Variants in PRR16 observed in about 807,000 individuals in gnomAD.
The protein encoded by PRR16 is proline rich 16.
Under a neutral mutation model 18.2 loss-of-function variants are expected in PRR16, and 6 were observed. The ratio of observed to expected loss-of-function variants is 0.33; its 90% CI spans 0.18 to 0.65. The LOEUF is 0.65. Among genes scored for constraint, PRR16 ranks in the 30% least tolerant of loss-of-function variants. The pLI is 0.74. For missense variants in PRR16, 412 were observed against 376.6 expected, an observed-to-expected ratio of 1.09 and a Z score of -0.78; for synonymous variants, 151 against 147.8, an observed-to-expected ratio of 1.02 and a Z score of -0.16.
chr5:120,494,176 C>T (rs758959319), intron 1 of PRR16, among the ~76,000 whole-genome samples: 120 of 152,154 alleles, frequency 7.9e-4, no homozygotes, highest in Non-Finnish European at 6.5e-4. Context: ...TCTGGTTTCA[C>T]TGCTTCCTCA....
chr5:120,734,035 AT>A, the PRR16 span, among the ~76,000 whole-genome samples: 5 of 151,406 alleles, frequency 3.3e-5, no homozygotes, highest in Admixed American at 6.6e-5. Context: ...TGTGTGACTG[AT>A]TTTTTTTTGC....
At chr5:120,772,392 G>A in the PRR16 span, among the ~76,000 whole-genome samples, 1 of 152,116 alleles carries the variant, frequency 6.6e-6, no homozygotes, top group Admixed American at 6.6e-5. Context: ...TGTATCTGGA[G>A]TATATACAAT....
At chr5:120,672,082 G>T (rs1412077424) in intron 1 of PRR16, among the ~76,000 whole-genome samples, 1 of 152,134 alleles carries the variant, frequency 6.6e-6, no homozygotes, top group African/African-American at 2.4e-5. Flanking sequence ...AAACCTTAAG[G>T]GGCTAATTAC....
At chr5:120,771,777 T>C in the PRR16 span, among the ~76,000 whole-genome samples, 72 of 152,118 alleles carry the variant, frequency 4.7e-4, no homozygotes, top group Admixed American at 1.2e-3. Flanking sequence ...GTCCAAGATA[T>C]TTGTTAGTAT....
At chr5:120,749,585 T>C in the PRR16 span, among the ~76,000 whole-genome samples, 2 of 152,196 alleles carry the variant, frequency 1.3e-5, no homozygotes, top group Admixed American at 1.3e-4. Flanking sequence ...TGCTATGTGC[T>C]ATTCTCAATA....
intron 1 of PRR16, among the ~76,000 whole-genome samples, chr5:120,501,374 G>C (rs1750447110): frequency 6.6e-6 from 1 of 151,990 alleles, no homozygotes; most frequent in Non-Finnish European, 1.5e-5. Flanking sequence ...TATTTCTTTT[G>C]TCTAGAAAGA....
intron 1 of PRR16, among the ~76,000 whole-genome samples, chr5:120,508,116 G>A (rs1212588379): frequency 6.6e-6 from 1 of 152,022 alleles, no homozygotes; most frequent in Non-Finnish European, 1.5e-5. Context: ...TTTAAAGGGA[G>A]CAGACTCAGC....
intron 1 of PRR16, among the ~76,000 whole-genome samples, chr5:120,545,888 A>C (rs1159593663): frequency 1.3e-5 from 2 of 152,086 alleles, no homozygotes; most frequent in Non-Finnish European, 2.9e-5. Context: ...AGTTCTTGCC[A>C]ATTTCTTATT....
intron 1 of PRR16, among the ~76,000 whole-genome samples, chr5:120,563,424 C>T (rs1358993226): frequency 1.3e-5 from 2 of 152,194 alleles, no homozygotes; most frequent in Admixed American, 1.3e-4. Context: ...TCTGGTTTTA[C>T]TAAAGCTAAG....
At chr5:120,473,546 T>C (rs1749341407) in intron 1 of PRR16, among the ~76,000 whole-genome samples, 1 of 152,228 alleles carries the variant, frequency 6.6e-6, no homozygotes, top group Admixed American at 6.5e-5. Flanking sequence ...GAGTTCTTTG[T>C]AGAACGTTTA....
the PRR16 span, among the ~76,000 whole-genome samples, chr5:120,728,921 GC>G: frequency 6.6e-6 from 1 of 152,102 alleles, no homozygotes; most frequent in Non-Finnish European, 1.5e-5. Context: ...TGCTTATATA[GC>G]ACAGAATACC....
the PRR16 span, among the ~76,000 whole-genome samples, chr5:120,752,984 T>C: frequency 1.7e-4 from 1 of 5,904 alleles, no homozygotes; most frequent in Non-Finnish European, 6.3e-3. Flanking sequence ...GATAATATTA[T>C]TGATGTCAAA....
chr5:120,724,197 T>C, the PRR16 span, among the ~76,000 whole-genome samples: 2 of 152,206 alleles, frequency 1.3e-5, no homozygotes, highest in Admixed American at 6.6e-5. Context: ...AAAACCCTAC[T>C]GGGAATTGCA....
the PRR16 span, among the ~76,000 whole-genome samples, chr5:120,713,271 C>T: frequency 4.2e-4 from 64 of 152,208 alleles, no homozygotes; most frequent in African/African-American, 1.5e-3. Flanking sequence ...CGTGTAAAAT[C>T]TATTTTCAGA....
chr5:120,563,230 T>C (rs1752630764), intron 1 of PRR16, among the ~76,000 whole-genome samples: 1 of 152,208 alleles, frequency 6.6e-6, no homozygotes, highest in Non-Finnish European at 1.5e-5. Flanking sequence ...CAAGGCCTGC[T>C]GTAACCACTA....
chr5:120,588,739 G>A (rs74652306), intron 1 of PRR16, among the ~76,000 whole-genome samples: 8,478 of 152,074 alleles, frequency 0.056, 335 homozygotes, highest in South Asian at 0.081. Flanking sequence ...CTTGGTTTTA[G>A]CTTTTTATTG....
At chr5:120,698,851 A>G in the PRR16 span, among the ~76,000 whole-genome samples, 2 of 152,062 alleles carry the variant, frequency 1.3e-5, no homozygotes, top group Admixed American at 1.3e-4. Context: ...AAAGGATATA[A>G]AGTTTTCACT....
rs1357443102 is a variant in PRR16 at position 120,509,699 on chromosome 5, AC to A, written c.159+45057del. ...TTGCTGTTATAGACATCAGAGTTTTACCCTATAGTATTTGAATTAGAGCAGG... is the reference window on the plus strand; with the variant it reads ...TTGCTGTTATAGACATCAGAGTTTTACCTATAGTATTTGAATTAGAGCAGG... On this transcript the variant is annotated intron_variant, in intron 1 of 1. Transcript: ENST00000407149. 2.0e-5 allele frequency among the ~76,000 whole-genome samples: 3 copies of A among 152,180 alleles called. No homozygotes were observed. In the East Asian group the frequency reaches 5.8e-4, roughly 29 times the overall value.
intron 1 of PRR16, among the ~76,000 whole-genome samples, chr5:120,550,613 C>G (rs1306751407): frequency 6.6e-6 from 1 of 151,988 alleles, no homozygotes; most frequent in Admixed American, 6.6e-5. Flanking sequence ...GATTTGAATC[C>G]TGGTGCTGTT....
Sources: allele counts gnomAD v4.1 joint callset (sites outside exome capture counted in the v4.1 genomes callset), GRCh38; gene constraint gnomAD v4.1.1; transcripts MANE v1.5; gene names NCBI Gene and HGNC (gene_info 2026-07-23, HGNC 2026-07-21).